The following ZNF423 variants were observed in gnomAD, a reference collection of about 807,000 sequenced individuals.
ZNF423 encodes zinc finger protein 423, also known as Ebf-associated zinc finger protein.
In ZNF423, 12 loss-of-function variants were observed where a neutral mutation model predicts 95.8. The ratio of observed to expected loss-of-function variants is 0.13; its 90% CI spans 0.08 to 0.20. The LOEUF is 0.20. Among genes scored for constraint, ZNF423 ranks in the 10% least tolerant of loss-of-function variants. The probability of loss-of-function intolerance (pLI) is 1.00; values close to 1 mark genes in which losing one functional copy is unlikely to be tolerated. For synonymous variants in ZNF423, 749 were observed against 711.9 expected (o/e 1.05, Z -0.83); for missense variants, 1,316 against 1,737.1 (o/e 0.76, Z 4.31).
intron 1 of ZNF423, among the ~76,000 whole-genome samples, chr16:49,845,267 G>A (rs1197745257): frequency 1.3e-5 from 2 of 151,348 alleles, no homozygotes; most frequent in Non-Finnish European, 2.9e-5. Context: ...ACCACGCCTG[G>A]CTATTTTTTT....
At chr16:49,756,773 G>C (rs2033735055) in intron 2 of ZNF423, among the ~76,000 whole-genome samples, 1 of 152,206 alleles carries the variant, frequency 6.6e-6, no homozygotes, top group Non-Finnish European at 1.5e-5. Context: ...TGAGAACAGG[G>C]GGAAGCACCC....
chr16:49,710,625 G>C (rs2032514534), intron 3 of ZNF423, among the ~76,000 whole-genome samples: 1 of 152,166 alleles, frequency 6.6e-6, no homozygotes, highest in Admixed American at 6.5e-5. Flanking sequence ...GAGCAGCCGG[G>C]TGCCACTGGA....
intron 7 of ZNF423, among the ~76,000 whole-genome samples, chr16:49,498,878 A>G (rs1432949844): frequency 2.0e-5 from 3 of 152,210 alleles, no homozygotes; most frequent in Non-Finnish European, 4.4e-5. Flanking sequence ...GCTAGTTTGC[A>G]CTTCTGACAA....
In ZNF423 at chr16:49,622,437, C is replaced by T. The variant is rs150723815; in HGVS notation, c.3601+3733G>A. Among the ~76,000 whole-genome samples the T allele has an allele frequency of 4.3e-3, 655 of 152,200 alleles. 6 individuals carry two copies. The highest frequency in any genetic ancestry group is 0.014 in the African/African-American group (601 of 41,524). On this transcript the variant is annotated intron_variant, in intron 5 of 7. Transcript: ENST00000563137. The stretch of plus-strand genomic sequence containing the variant: ...AGACTCACCTGCTCTGCTCACCCCC[C>T]ATCCTGCTATAGGCAGTGGCTCATC...
chr16:49,767,999 A>T (rs2033959395), intron 2 of ZNF423, among the ~76,000 whole-genome samples: 1 of 152,220 alleles, frequency 6.6e-6, no homozygotes, highest in South Asian at 2.1e-4. Flanking sequence ...CCTTGAAGGC[A>T]TCTTATTAGA....
At chr16:49,768,909 G>C (rs1478768163) in intron 2 of ZNF423, among the ~76,000 whole-genome samples, 1 of 151,980 alleles carries the variant, frequency 6.6e-6, no homozygotes, top group African/African-American at 2.4e-5. Context: ...CATCCACACC[G>C]AGCTGCCCTA....
intron 1 of ZNF423, among the ~76,000 whole-genome samples, chr16:49,836,316 C>G (rs1388145069): frequency 6.6e-6 from 1 of 152,052 alleles, no homozygotes; most frequent in African/African-American, 2.4e-5. Context: ...CCAACCTGTC[C>G]AAGCTGCTTC....
intron 2 of ZNF423, among the ~76,000 whole-genome samples, chr16:49,761,985 A>G (rs771015100): frequency 2.6e-5 from 4 of 152,068 alleles, no homozygotes; most frequent in Non-Finnish European, 5.9e-5. Flanking sequence ...AATTTTTTAA[A>G]AATAATTGTA....
At chr16:49,651,432 C>A (rs1452388987) in intron 3 of ZNF423, among the ~76,000 whole-genome samples, 1 of 152,128 alleles carries the variant, frequency 6.6e-6, no homozygotes, top group African/African-American at 2.4e-5. Context: ...GGGACCCCCA[C>A]CCCCCTGCAT....
chr16:49,786,749 A>G (rs1357954361), intron 2 of ZNF423, among the ~76,000 whole-genome samples: 4 of 152,202 alleles, frequency 2.6e-5, no homozygotes, highest in Non-Finnish European at 5.9e-5. Flanking sequence ...CCGTGGATTC[A>G]CTACTGTACA....
chr16:49,856,217 A>C (rs1597068157), upstream of ZNF423: 1 of 90,138 alleles, frequency 1.1e-5, no homozygotes, highest in African/African-American at 4.3e-5. Flanking sequence ...CCCCCACCCT[A>C]CCGCCACCCT....
At chr16:49,794,021 GTC>G (rs5816660) in intron 1 of ZNF423, among the ~76,000 whole-genome samples, 79,858 of 148,030 alleles carry the variant, frequency 0.54, 20,989 homozygotes, top group Middle Eastern at 0.6. Context: ...GTCTGTCTCT[GTC>G]TCTCTCTCTC....
chr16:49,819,551 G>A (rs752134854), intron 1 of ZNF423, among the ~76,000 whole-genome samples: 2 of 151,924 alleles, frequency 1.3e-5, no homozygotes, highest in African/African-American at 2.4e-5. Context: ...AGGTTCAAGC[G>A]ATTCTCCCTG....
intron 7 of ZNF423, among the ~76,000 whole-genome samples, chr16:49,514,019 T>C (rs1174287323): frequency 6.6e-6 from 1 of 151,886 alleles, no homozygotes; most frequent in African/African-American, 2.4e-5. Context: ...CTTGCCCCTC[T>C]AGTCCCTCTG....
At chr16:49,713,666 G>T (rs977222045) in intron 3 of ZNF423, among the ~76,000 whole-genome samples, 40 of 152,178 alleles carry the variant, frequency 2.6e-4, no homozygotes, top group African/African-American at 9.2e-4. Context: ...CGGTTTGAGT[G>T]CGCCATCTGT....
intron 5 of ZNF423, among the ~76,000 whole-genome samples, chr16:49,600,192 A>G (rs1319059989): frequency 6.6e-6 from 1 of 151,956 alleles, no homozygotes; most frequent in Non-Finnish European, 1.5e-5. Flanking sequence ...CATGCCTGTA[A>G]TCCCAGCTAC....
chr16:49,577,874 G>A (rs991133328), intron 5 of ZNF423, among the ~76,000 whole-genome samples: 11 of 152,154 alleles, frequency 7.2e-5, no homozygotes, highest in South Asian at 4.1e-4. Context: ...ATAGAGACCC[G>A]GCTCCCAGCC....
intron 5 of ZNF423, among the ~76,000 whole-genome samples, chr16:49,593,515 C>G (rs1484941898): frequency 1.1e-5 from 1 of 92,396 alleles, no homozygotes; most frequent in African/African-American, 2.7e-5. Flanking sequence ...CCCGCCAGAA[C>G]CCTCTCTGAA....
chr16:49,726,504 T>C (rs1364291794), intron 3 of ZNF423, among the ~76,000 whole-genome samples: 2 of 152,126 alleles, frequency 1.3e-5, no homozygotes, highest in Non-Finnish European at 2.9e-5. Flanking sequence ...CCTGCTGCAG[T>C]TTAAAGGACC....
Sources: gnomAD v4.1 joint callset for allele counts (sites outside exome capture counted in the v4.1 genomes callset) on GRCh38, gnomAD v4.1.1 for gene constraint, MANE v1.5 for transcripts, NCBI Gene and HGNC (gene_info 2026-07-23, HGNC 2026-07-21) for gene names.